Variants in SYTL2 observed in about 807,000 individuals in gnomAD.
SYTL2 encodes synaptotagmin like 2.
SYTL2 carries 165 observed loss-of-function variants against 198.7 expected under a neutral mutation model. The observed-to-expected ratio is 0.83, with a 90% CI of 0.73 to 0.94. The LOEUF is 0.94. SYTL2 is among the 40% of genes least tolerant of loss of function. SYTL2 has a pLI of 0.00. For missense variants in SYTL2, 2,835 were observed against 2,582.8 expected (o/e 1.10, Z -2.12); for synonymous variants, 966 against 917.7 (o/e 1.05, Z -0.95).
chr11:85,752,015 G>A (rs1430282059), intron 2 of SYTL2, among the ~76,000 whole-genome samples: 1 of 152,164 alleles, frequency 6.6e-6, no homozygotes. Context: ...GAGCAGAAAT[G>A]CCCTCTGGGC....
intron 19 of SYTL2, among the ~76,000 whole-genome samples, chr11:85,695,938 G>T (rs2153347434): frequency 6.6e-6 from 1 of 152,280 alleles, no homozygotes; most frequent in South Asian, 2.1e-4. Flanking sequence ...AGGCTTTTCT[G>T]TCCCTGCCAC....
chr11:85,841,415 A>C, the SYTL2 span, among the ~76,000 whole-genome samples: 314 of 152,382 alleles, frequency 2.1e-3, 1 homozygote, highest in African/African-American at 6.7e-3. Flanking sequence ...ACATGGAATC[A>C]ACCTAAATTA....
chr11:85,756,627 G>A (rs571950532), intron 2 of SYTL2, among the ~76,000 whole-genome samples: 1 of 152,276 alleles, frequency 6.6e-6, no homozygotes, highest in East Asian at 1.9e-4. Context: ...GAGTATGTGA[G>A]CTCATAAAAA....
At chr11:85,715,340 T>C (rs923622998) in intron 11 of SYTL2, among the ~76,000 whole-genome samples, 1 of 152,264 alleles carries the variant, frequency 6.6e-6, no homozygotes, top group African/African-American at 2.4e-5. Context: ...TTATAATGAA[T>C]AAGTTAATAT....
At chr11:85,808,064 T>G (rs1001723237) in intron 1 of SYTL2, among the ~76,000 whole-genome samples, 1 of 151,756 alleles carries the variant, frequency 6.6e-6, no homozygotes, top group African/African-American at 2.4e-5. Flanking sequence ...ATTTATATCA[T>G]TATTATTATT....
chr11:85,772,174 A>G lies in SYTL2; in HGVS notation c.-389-14060T>C, dbSNP rs146042580. 5.9e-4 allele frequency among the ~76,000 whole-genome samples: 90 copies of G among 152,298 alleles called. No homozygotes were observed. The East Asian group carries it at 0.017, about 28-fold the overall frequency. ...CTTGGCCTCCCAAAGTGCTGGGATT[A>G]CAGGCACGTGCCTGGCTGATCCATT... On this transcript the variant is annotated intron_variant, in intron 1 of 19. Transcript: ENST00000359152.
intron 1 of SYTL2, among the ~76,000 whole-genome samples, chr11:85,770,580 A>G (rs1347628548): frequency 2.0e-5 from 3 of 152,018 alleles, no homozygotes; most frequent in East Asian, 3.9e-4. Context: ...CTTCTTTCCT[A>G]CAGGACCATT....
At chr11:85,847,453 T>C in the SYTL2 span, among the ~76,000 whole-genome samples, 2 of 152,224 alleles carry the variant, frequency 1.3e-5, no homozygotes, top group East Asian at 1.9e-4. Flanking sequence ...CAAGCAGCTA[T>C]GAACATTCAT....
At chr11:85,839,743 A>C in the SYTL2 span, among the ~76,000 whole-genome samples, 1 of 152,218 alleles carries the variant, frequency 6.6e-6, no homozygotes, top group Non-Finnish European at 1.5e-5. Flanking sequence ...TGCAGTAAAC[A>C]TAAGAGTGTA....
the SYTL2 span, among the ~76,000 whole-genome samples, chr11:85,839,086 G>A: frequency 2.0e-5 from 3 of 152,104 alleles, no homozygotes; most frequent in African/African-American, 7.2e-5. Context: ...ATTAGTTTCA[G>A]AGAAAGTCAT....
At chr11:85,757,565 C>T in intron 2 of SYTL2, 60 bp downstream of exon 2, 2 of 1,577,904 alleles carry the variant, frequency 1.3e-6, no homozygotes, top group South Asian at 2.2e-5. Flanking sequence ...CCCCAGTGTC[C>T]TATTTTCGTA....
the SYTL2 span, among the ~76,000 whole-genome samples, chr11:85,824,869 C>G: frequency 6.6e-6 from 1 of 152,134 alleles, no homozygotes; most frequent in Non-Finnish European, 1.5e-5. Context: ...CAGAATCTAT[C>G]CCACCCTTTC....
chr11:85,729,162 T>A (rs1304843272), intron 7 of SYTL2, among the ~76,000 whole-genome samples: 2 of 152,152 alleles, frequency 1.3e-5, no homozygotes, highest in Non-Finnish European at 2.9e-5. Flanking sequence ...CACCCCACTG[T>A]CAATATTACA....
chr11:85,698,066 G>A lies in SYTL2; in HGVS notation c.6281C>T (p.Pro2094Leu). 6.2e-7 allele frequency: 1 copy of A among 1,613,222 alleles called. No individual in the cohort carries two copies. The highest frequency in any genetic ancestry group is 1.1e-5 in the South Asian group (1 of 91,028). The change falls in exon 18 of 20, where the codon CCT becomes CTT. Residue 2094 changes from proline to leucine, a missense_variant. Pro to Leu is a moderately conservative substitution (Grantham distance 98). Around this residue, in one of 3 missense-constraint regions of SYTL2, gnomAD observed 185 missense variants for 182.1 expected, o/e 1.02. Transcript: ENST00000359152. ...CCAGATGTGCACTTCTCCAGTTGTA[G>A]GAAGCTTTTTACCTACAATAGAAAA... ...VPEPVPGKKL[P>L]TTGEVHIWVK...
At chr11:85,705,107 T>C in intron 15 of SYTL2, 79 bp from the exon 16 acceptor site, 1 of 1,158,282 alleles carries the variant, frequency 8.6e-7, no homozygotes, top group East Asian at 2.5e-5. Flanking sequence ...GAAGAGAAAT[T>C]CATCTGTATA....
At chr11:85,809,133 C>CTAAT (rs1275938983) in intron 1 of SYTL2, among the ~76,000 whole-genome samples, 2 of 152,206 alleles carry the variant, frequency 1.3e-5, no homozygotes, top group Non-Finnish European at 2.9e-5. Context: ...GCACAAGGTG[C>CTAAT]TAATTCATTC....
intron 1 of SYTL2, among the ~76,000 whole-genome samples, chr11:85,781,219 A>G (rs1592009685): frequency 6.6e-6 from 1 of 152,160 alleles, no homozygotes. Context: ...CCTTCTTCAC[A>G]TGGTAGCAGC....
intron 7 of SYTL2, among the ~76,000 whole-genome samples, chr11:85,728,343 G>A (rs537853739): frequency 1.3e-5 from 2 of 152,202 alleles, no homozygotes; most frequent in Admixed American, 1.3e-4. Flanking sequence ...CCAGAGTGCA[G>A]TGGCGGGATC....
chr11:85,763,992 T>C (rs1289140372), intron 1 of SYTL2, among the ~76,000 whole-genome samples: 1 of 152,238 alleles, frequency 6.6e-6, no homozygotes, highest in Non-Finnish European at 1.5e-5. Context: ...ACCAGCCCGA[T>C]GATCATCAGA....
Sources: gnomAD v4.1 joint callset for allele counts (sites outside exome capture counted in the v4.1 genomes callset) on GRCh38, gnomAD v4.1.1 for gene constraint, gnomAD v4.1.1 regional missense constraint, MANE v1.5 for transcripts, NCBI Gene and HGNC (gene_info 2026-07-23, HGNC 2026-07-21) for gene names.